The following CSMD2 variants were observed in gnomAD, a reference collection of about 807,000 sequenced individuals.
CSMD2 encodes CUB and sushi domain-containing protein 2.
Under a neutral mutation model 398.5 loss-of-function variants are expected in CSMD2, and 130 were observed. The ratio of observed to expected loss-of-function variants is 0.33; its 90% CI spans 0.28 to 0.38. The LOEUF is 0.38. Among genes scored for constraint, CSMD2 ranks in the 10% least tolerant of loss-of-function variants. CSMD2 has a pLI of 1.00. For missense variants in CSMD2, 3,829 were observed against 4,764.9 expected (o/e 0.80, Z 5.78); for synonymous variants, 1,828 against 1,908.5 (o/e 0.96, Z 1.10).
chr1:33,918,068 G>T, intron 5 of CSMD2, 26 bp downstream of exon 5: 2 of 1,603,834 alleles, frequency 1.2e-6, no homozygotes, highest in Non-Finnish European at 1.7e-6. Context: ...GAATAGGGTA[G>T]GAAAGGAAGG....
At chr1:33,691,914 C>T (rs1645254762) in intron 25 of CSMD2, among the ~76,000 whole-genome samples, 1 of 152,136 alleles carries the variant, frequency 6.6e-6, no homozygotes. Flanking sequence ...ATACTGCTAC[C>T]CCAACCTGCT....
chr1:33,517,207 T>C (rs1653843923), intron 70 of CSMD2, among the ~76,000 whole-genome samples: 2 of 152,172 alleles, frequency 1.3e-5, no homozygotes, highest in African/African-American at 4.8e-5. Flanking sequence ...CTGTTCAGGG[T>C]GGCTCTTGCT....
intron 3 of CSMD2, among the ~76,000 whole-genome samples, chr1:33,937,182 CG>C (rs1644506687): frequency 6.6e-6 from 1 of 152,124 alleles, no homozygotes; most frequent in South Asian, 2.1e-4. Flanking sequence ...GTGAGTACAA[CG>C]CAAGTGAATC....
intron 4 of CSMD2, among the ~76,000 whole-genome samples, chr1:33,924,094 C>T (rs910118558): frequency 8.5e-5 from 13 of 152,170 alleles, no homozygotes; most frequent in Non-Finnish European, 1.8e-4. Flanking sequence ...ACTTTTTTAA[C>T]TCCTCGTATG....
chr1:34,114,029 A>G (rs1351079963), intron 1 of CSMD2, among the ~76,000 whole-genome samples: 1 of 152,140 alleles, frequency 6.6e-6, no homozygotes, highest in Non-Finnish European at 1.5e-5. Context: ...GCATACTTTC[A>G]ATGCCTGGGG....
chr1:33,679,026 C>CA (rs942596407), intron 25 of CSMD2, among the ~76,000 whole-genome samples: 3 of 152,152 alleles, frequency 2.0e-5, no homozygotes, highest in African/African-American at 7.2e-5. Context: ...TCTTCCTCAT[C>CA]ACCCTGTCAC....
intron 1 of CSMD2, among the ~76,000 whole-genome samples, chr1:34,123,267 G>A (rs999741698): frequency 2.6e-5 from 4 of 152,158 alleles, no homozygotes; most frequent in African/African-American, 9.7e-5. Flanking sequence ...TCATGCCTAC[G>A]TAATGAAGCT....
intron 6 of CSMD2, among the ~76,000 whole-genome samples, chr1:33,832,978 A>G (rs2125041798): frequency 6.6e-6 from 1 of 151,628 alleles, no homozygotes; most frequent in Middle Eastern, 3.4e-3. Context: ...GAATAGACCA[A>G]TAACAGGATC....
chr1:34,075,994 A>T (rs1176596196), intron 2 of CSMD2, among the ~76,000 whole-genome samples: 1 of 152,164 alleles, frequency 6.6e-6, no homozygotes, highest in African/African-American at 2.4e-5. Flanking sequence ...TCTATTGTAA[A>T]TTTAATTTGA....
At chr1:33,736,421 C>T (rs1237746827) in intron 15 of CSMD2, among the ~76,000 whole-genome samples, 1 of 151,398 alleles carries the variant, frequency 6.6e-6, no homozygotes, top group Non-Finnish European at 1.5e-5. Context: ...GTGGAGCTTG[C>T]AGTGAGCCAA....
chr1:33,800,260 C>T (rs1417660227), intron 10 of CSMD2, among the ~76,000 whole-genome samples: 1 of 152,138 alleles, frequency 6.6e-6, no homozygotes, highest in East Asian at 1.9e-4. Flanking sequence ...TGCTGAGGCC[C>T]TAGGGAAGAG....
At chr1:34,038,001 G>A (rs1651363902) in intron 2 of CSMD2, among the ~76,000 whole-genome samples, 1 of 152,108 alleles carries the variant, frequency 6.6e-6, no homozygotes, top group Non-Finnish European at 1.5e-5. Flanking sequence ...TCTTTCCCAG[G>A]GTTGGTAGAT....
At chr1:33,638,116 A>G (rs1432827650) in intron 29 of CSMD2, among the ~76,000 whole-genome samples, 2 of 152,078 alleles carry the variant, frequency 1.3e-5, no homozygotes, top group African/African-American at 4.8e-5. Context: ...ATTTAAACCC[A>G]AGTGGGACCG....
At chr1:33,736,068 T>C (rs1646875412) in intron 15 of CSMD2, among the ~76,000 whole-genome samples, 2 of 152,196 alleles carry the variant, frequency 1.3e-5, no homozygotes, top group African/African-American at 4.8e-5. Context: ...CAAATGCCCA[T>C]CGCTCTGAGA....
intron 3 of CSMD2, among the ~76,000 whole-genome samples, chr1:34,010,860 C>T (rs7530670): frequency 0.022 from 3,380 of 152,240 alleles, 127 homozygotes; most frequent in African/African-American, 0.076. Context: ...CTCCTGACCT[C>T]GTGATCTGCC....
At chr1:33,738,601 C>T (rs1015518781) in intron 15 of CSMD2, among the ~76,000 whole-genome samples, 3 of 152,192 alleles carry the variant, frequency 2.0e-5, no homozygotes, top group Non-Finnish European at 4.4e-5. Context: ...CGTGTGCCTG[C>T]TGCAAGCTGT....
chr1:33,771,691 T>C (rs1651288333), intron 13 of CSMD2, among the ~76,000 whole-genome samples: 1 of 152,148 alleles, frequency 6.6e-6, no homozygotes, highest in African/African-American at 2.4e-5. Context: ...CGATCTCTAG[T>C]GTGCAGAACT....
intron 15 of CSMD2, among the ~76,000 whole-genome samples, chr1:33,730,955 G>C (rs866227782): frequency 6.6e-6 from 1 of 152,118 alleles, no homozygotes; most frequent in Non-Finnish European, 1.5e-5. Flanking sequence ...TTAAATATCA[G>C]TTTCCACTAA....
At position 33,546,117 on chromosome 1, in the gene CSMD2, G is replaced by A. The variant is rs768190317; in HGVS notation, c.9020C>T (p.Ala3007Val). 1 of 1,614,204 alleles carries A rather than the reference G, an allele frequency of 6.2e-7. No homozygotes were observed. The highest frequency in any genetic ancestry group is 8.5e-7 in the Non-Finnish European group (1 of 1,180,042). Residue 3007 changes from alanine to valine, a missense_variant, in exon 57 of 71, where the codon GCT becomes GTT. Transcript: ENST00000373381. ...TGACGATCCCCGGAGCACGTGGCCA[G>A]CTTCACAGCTGAAGCGCATCACAGT... ...PGTVMRFSCEAGHVLRGSSER... is the reference protein window; with the variant it reads ...PGTVMRFSCEVGHVLRGSSER...
Sources: allele counts gnomAD v4.1 joint callset (sites outside exome capture counted in the v4.1 genomes callset), GRCh38; gene constraint gnomAD v4.1.1; transcripts MANE v1.5; gene names NCBI Gene and HGNC (gene_info 2026-07-23, HGNC 2026-07-21).